Variants in CGGBP1 observed in about 807,000 individuals in gnomAD.
CGGBP1 encodes CGG triplet repeat-binding protein 1.
In CGGBP1, 4 loss-of-function variants were observed where a neutral mutation model predicts 11.4. The observed-to-expected ratio is 0.35, with a 90% CI of 0.17 to 0.80. The LOEUF (loss-of-function observed/expected upper bound fraction) is 0.80. Among genes scored for constraint, CGGBP1 ranks in the 30% least tolerant of loss-of-function variants. The probability of loss-of-function intolerance (pLI) is 0.52; values close to 1 mark genes in which losing one functional copy is unlikely to be tolerated. For missense variants in CGGBP1, 135 were observed against 202.1 expected (o/e 0.67, Z 2.01); for synonymous variants, 76 against 74.1 (o/e 1.03, Z -0.13).
In CGGBP1 at chr3:88,055,702, C is replaced by G. The variant is rs763673047; in HGVS notation, c.275G>C (p.Cys92Ser). Residue 92 changes from cysteine (C) to serine (S), a missense_variant, in exon 4 of 4, where the codon TGC becomes TCC. Coordinates refer to ENST00000482016, the MANE Select transcript of CGGBP1 (RefSeq NM_001008390.2). The surrounding 1 kb of genome is among the most constrained non-coding windows in gnomAD (Gnocchi z 4.2). The stretch of plus-strand genomic sequence containing the variant: ...TTTCTCTGTTTGCGCAGTACTGTTG[C>G]ACTGAAGAGATGCAGTTAGGGGCCT... The part of the protein sequence containing the change: ...KQRPLTASLQ[C>S]NSTAQTEKVS... The G allele has an allele frequency of 1.9e-6, 3 of 1,614,212 alleles. No homozygotes were observed. The highest frequency in any genetic ancestry group is 2.5e-6 in the Non-Finnish European group (3 of 1,180,046).
exon 2 of CGGBP1, chr3:88,141,021 C>T: frequency 6.2e-7 from 1 of 1,606,424 alleles, no homozygotes; most frequent in Non-Finnish European, 8.5e-7. Context: ...ATGTCAGACA[C>T]TCTTTGGATT....
intron 1 of CGGBP1, among the ~76,000 whole-genome samples, chr3:88,147,530 T>C (rs1315626461): frequency 6.6e-6 from 1 of 152,172 alleles, no homozygotes; most frequent in Non-Finnish European, 1.5e-5. Flanking sequence ...CTAAAGTCCA[T>C]ATAATGGTCT....
chr3:88,146,575 G>C (rs546861608), intron 1 of CGGBP1, among the ~76,000 whole-genome samples: 27 of 152,258 alleles, frequency 1.8e-4, no homozygotes, highest in African/African-American at 5.8e-4. Context: ...TCGTTGTGGA[G>C]AGTTATACAT....
intron 1 of CGGBP1, chr3:88,141,731 T>C (rs2107904087): frequency 8.6e-7 from 1 of 1,157,968 alleles, no homozygotes; most frequent in East Asian, 2.7e-5. Context: ...ATCAGTTTGC[T>C]ATTTCCCTGA....
chr3:88,115,225 T>C (rs1420064167), intron 2 of CGGBP1, among the ~76,000 whole-genome samples: 4 of 152,214 alleles, frequency 2.6e-5, no homozygotes. Context: ...TGCTAGTCCC[T>C]GAACCACACT....
At chr3:88,140,928 T>C (rs1163660999) in intron 2 of CGGBP1, 1 of 1,613,472 alleles carries the variant, frequency 6.2e-7, no homozygotes, top group Non-Finnish European at 8.5e-7. Flanking sequence ...GTATAAAAAA[T>C]CAGTGAAAAG....
At chr3:88,061,149 G>T (rs6806879), upstream of CGGBP1, among the ~76,000 whole-genome samples, 5 of 151,918 alleles carry the variant, frequency 3.3e-5, no homozygotes, top group African/African-American at 1.2e-4. Flanking sequence ...GGTAGATTTT[G>T]TATCTATAGG....
chr3:88,128,158 G>A (rs1706230496), intron 2 of CGGBP1, among the ~76,000 whole-genome samples: 1 of 152,008 alleles, frequency 6.6e-6, no homozygotes, highest in African/African-American at 2.4e-5. Context: ...TCATAAGGTT[G>A]TTGTTAGGTC....
chr3:88,095,422 T>C (rs1704001101), intron 2 of CGGBP1: 3 of 341,776 alleles, frequency 8.8e-6, no homozygotes, highest in East Asian at 8.9e-5. Context: ...CCCTTTGCTG[T>C]TTTTTCCTCT....
At chr3:88,135,301 G>A (rs1706708148) in intron 2 of CGGBP1, 1 of 1,045,644 alleles carries the variant, frequency 9.6e-7, no homozygotes, top group Admixed American at 4.0e-5. Flanking sequence ...TAAAACTGAA[G>A]GAAAGGAGGA....
At chr3:88,120,984 T>G (rs977849532) in intron 2 of CGGBP1, among the ~76,000 whole-genome samples, 1 of 152,104 alleles carries the variant, frequency 6.6e-6, no homozygotes, top group Non-Finnish European at 1.5e-5. Flanking sequence ...ACCTAATGCA[T>G]GTGGTGCTTA....
intron 2 of CGGBP1, among the ~76,000 whole-genome samples, chr3:88,097,999 A>C (rs1395416529): frequency 1.3e-5 from 2 of 152,216 alleles, no homozygotes; most frequent in Admixed American, 1.3e-4. Flanking sequence ...GAACTGAAGG[A>C]GATAGAGACA....
chr3:88,100,677 G>A (rs1253466270), intron 2 of CGGBP1, among the ~76,000 whole-genome samples: 1 of 152,142 alleles, frequency 6.6e-6, no homozygotes, highest in African/African-American at 2.4e-5. Flanking sequence ...GATGAAGCTG[G>A]AAACCATCAT....
chr3:88,103,683 C>T (rs570201102), intron 2 of CGGBP1, among the ~76,000 whole-genome samples: 7 of 151,076 alleles, frequency 4.6e-5, no homozygotes, highest in East Asian at 1.9e-4. Context: ...TAATGTGTAG[C>T]GGACATCTCT....
chr3:88,140,325 T>C, intron 2 of CGGBP1: 4 of 1,613,694 alleles, frequency 2.5e-6, no homozygotes, highest in Non-Finnish European at 3.4e-6. Flanking sequence ...AACAATTCTT[T>C]GGGATGTTCA....
intron 2 of CGGBP1, chr3:88,135,318 G>A: frequency 1.2e-6 from 1 of 823,244 alleles, no homozygotes; most frequent in Non-Finnish European, 1.7e-6. Flanking sequence ...AGGATTTTAA[G>A]GCCACATTCT....
At chr3:88,089,144 T>C (rs1036404061) in intron 2 of CGGBP1, among the ~76,000 whole-genome samples, 7 of 151,692 alleles carry the variant, frequency 4.6e-5, no homozygotes, top group African/African-American at 1.5e-4. Context: ...TTATTTGTAT[T>C]TGAACTTTTT....
upstream of CGGBP1, among the ~76,000 whole-genome samples, chr3:88,063,675 G>A (rs1453213333): frequency 1.3e-5 from 2 of 152,064 alleles, no homozygotes; most frequent in East Asian, 1.9e-4. Flanking sequence ...TAAGGCCTAA[G>A]TATCAGGAAT....
At chr3:88,096,749 A>G (rs1704085614) in intron 2 of CGGBP1, among the ~76,000 whole-genome samples, 1 of 152,120 alleles carries the variant, frequency 6.6e-6, no homozygotes. Context: ...TCATGGTTCA[A>G]AATTCGAAAA....
Sources: gnomAD v4.1 joint callset for allele counts (sites outside exome capture counted in the v4.1 genomes callset) on GRCh38, gnomAD v4.1.1 for gene constraint, Gnocchi (gnomAD v3.1) non-coding constraint, MANE v1.5 for transcripts, NCBI Gene and HGNC (gene_info 2026-07-23, HGNC 2026-07-21) for gene names.